VIL1: variants seen among roughly 807,000 people sequenced by gnomAD.
The protein encoded by VIL1 is villin 1, also known as villin-1.
A neutral mutation model predicts 104.0 loss-of-function variants in VIL1; 86 were observed. The ratio of observed to expected loss-of-function variants is 0.83; its 90% CI spans 0.69 to 0.99. The LOEUF (loss-of-function observed/expected upper bound fraction) is 0.99, where lower values mean the gene tolerates loss of function less well. Among genes scored for constraint, VIL1 ranks in the 50% least tolerant of loss-of-function variants. The pLI is 0.00. For missense variants in VIL1, 944 were observed against 1,054.1 expected, an observed-to-expected ratio of 0.90 and a Z score of 1.45; for synonymous variants, 394 against 412.6, an observed-to-expected ratio of 0.95 and a Z score of 0.55.
At chr2:218,435,477 G>C in intron 15 of VIL1, 43 bp downstream of exon 15, 1 of 1,598,914 alleles carries the variant, frequency 6.3e-7, no homozygotes, top group South Asian at 1.1e-5. Context: ...CAAGGTGGGG[G>C]AGCCGCCCAG....
At chr2:218,425,945 A>C in intron 4 of VIL1, 134 bp downstream of exon 4, 29 of 924,032 alleles carry the variant, frequency 3.1e-5, no homozygotes, top group Middle Eastern at 3.6e-4. Flanking sequence ...GGGGGAGGTG[A>C]CCTGGGGCGG....
At position 218,452,605 on chromosome 2, in the gene VIL1, A is replaced by G. The variant is rs1289075041; in HGVS notation, c.*3269A>G. ...GATAACTTATATATTCCAATAACCT[A>G]TTTTCAACAACTCCTGCCCAAGACA... On this transcript the variant is annotated 3_prime_UTR_variant, in exon 20 of 20. Transcript: ENST00000248444. The G allele has an allele frequency of 1.3e-5, 2 of 152,098 alleles. No individual in the cohort carries two copies. Among genetic ancestry groups the G allele is most frequent in the African/African-American group, 2.4e-5 (1 of 41,428 alleles). The allele number at this position is 152,098 out of a possible 1,614,324, so 9.4% of individuals were successfully genotyped here. A position where few individuals can be genotyped will look rare whatever the true frequency, so the allele number is the denominator to read the frequency against.
intron 3 of VIL1, 131 bp downstream of exon 3, chr2:218,424,482 C>A: frequency 1.1e-6 from 1 of 920,068 alleles, no homozygotes; most frequent in East Asian, 2.5e-5. Context: ...TGGGTATGCC[C>A]AAGTGCCCAA....
chr2:218,439,944 C>A (rs538749179), intron 18 of VIL1, among the ~76,000 whole-genome samples: 1 of 151,096 alleles, frequency 6.6e-6, no homozygotes. Context: ...ATAGAGAGAA[C>A]AAGACAGAGC....
chr2:218,428,083 C>G lies in VIL1; in HGVS notation c.456+10C>G. 6.2e-7 allele frequency: 1 copy of G among 1,613,314 alleles called. No homozygotes were observed. Among genetic ancestry groups the G allele is most frequent in the Non-Finnish European group, 8.5e-7 (1 of 1,179,304 alleles). ...CGTGGTAGCTGGAGAGGTAGGCAGG[C>G]CCCACTGGAGCATCGGCCAGGGCTG... On this transcript the variant is annotated intron_variant, in intron 5 of 19. Transcript: ENST00000248444.
intron 17 of VIL1, among the ~76,000 whole-genome samples, chr2:218,438,163 TTCAC>T: frequency 7.3e-6 from 1 of 136,406 alleles, no homozygotes; most frequent in East Asian, 2.0e-4. Flanking sequence ...CTCAGCCTCA[TTCAC>T]TCATTCATTC....
intron 13 of VIL1, among the ~76,000 whole-genome samples, chr2:218,434,109 A>G (rs1331561712): frequency 6.7e-6 from 1 of 148,462 alleles, no homozygotes; most frequent in Non-Finnish European, 1.5e-5. Context: ...AGGCAGGAGA[A>G]TTGCTTGAAC....
At position 218,434,558 on chromosome 2, in the gene VIL1, C is replaced by T. The variant is rs560332253; in HGVS notation, c.1533C>T (p.Thr511=). The change falls in exon 14 of 20, where the codon ACC becomes ACT. Residue 511 remains threonine, a synonymous_variant. Coordinates refer to ENST00000248444, the MANE Select transcript of VIL1 (RefSeq NM_007127.3). The stretch of plus-strand genomic sequence containing the variant: ...CCTCCCGAACTAACAACTTGGAGAC[C>T]GGGCCCTCCACACGGCTGTTCCAGG... ...GGTSRTNNLE[T]GPSTRLFQVQ... is the part of the protein sequence containing the mutation. The T allele has an allele frequency of 1.5e-5, 24 of 1,613,584 alleles. No homozygotes were observed. In the East Asian group the frequency reaches 2.0e-4, roughly 13 times the overall value.
chr2:218,445,560 C>T (rs1421119618), intron 19 of VIL1, among the ~76,000 whole-genome samples: 1 of 151,954 alleles, frequency 6.6e-6, no homozygotes, highest in African/African-American at 2.4e-5. Flanking sequence ...GCATCAGACC[C>T]CCCTGAGGTT....
intron 3 of VIL1, 82 bp downstream of exon 3, chr2:218,424,433 G>A (rs1040379326): frequency 6.8e-7 from 1 of 1,463,930 alleles, no homozygotes. Context: ...GGGGGCCGTG[G>A]GGAGAGTTGG....
At chr2:218,440,668 G>A in intron 18 of VIL1, 54 bp from the exon 19 acceptor site, 2 of 1,608,944 alleles carry the variant, frequency 1.2e-6, no homozygotes, top group Non-Finnish European at 1.7e-6. Context: ...AAGGCAGCCT[G>A]GGAGGTAGCT....
intron 18 of VIL1, among the ~76,000 whole-genome samples, chr2:218,440,220 GA>G (rs1334065259): frequency 6.6e-6 from 1 of 152,214 alleles, no homozygotes; most frequent in Non-Finnish European, 1.5e-5. Context: ...TTAAAGAAAA[GA>G]GTCATTTTCC....
chr2:218,440,331 G>A (rs531436572), intron 18 of VIL1, among the ~76,000 whole-genome samples: 15 of 152,178 alleles, frequency 9.9e-5, no homozygotes, highest in Admixed American at 2.6e-4. Context: ...GTGCAGTGGC[G>A]CAATCTCAGC....
rs1689124090 is a variant in VIL1 at position 218,432,871 on chromosome 2, C to G, written c.1420C>G (p.Pro474Ala). 2.5e-6 allele frequency: 4 copies of G among 1,614,194 alleles called. No individual in the cohort carries two copies. The highest frequency in any genetic ancestry group is 1.6e-4 in the Middle Eastern group (1 of 6,062). ...CCTGGACCAGAAGTACAATGGTGAACCAGTCCAGATCCGGGTCCCAATGGG... is the reference window on the plus strand; with the variant it reads ...CCTGGACCAGAAGTACAATGGTGAAGCAGTCCAGATCCGGGTCCCAATGGG... Reference protein sequence around the residue: ...VILDQKYNGEPVQIRVPMGKE... With the variant: ...VILDQKYNGEAVQIRVPMGKE... Residue 474 changes from proline (P) to alanine (A), a missense_variant, in exon 13 of 20, where the codon CCA becomes GCA. Physicochemically the swap from Pro to Ala is conservative, Grantham distance 27. Transcript: ENST00000248444.
At chr2:218,442,846 T>C (rs1416998984) in intron 19 of VIL1, among the ~76,000 whole-genome samples, 1 of 152,138 alleles carries the variant, frequency 6.6e-6, no homozygotes, top group Non-Finnish European at 1.5e-5. Flanking sequence ...TTTATATAAG[T>C]GTTTTGTTCT....
rs370855411 is a variant in VIL1 at position 218,430,836 on chromosome 2, C to T, written c.1060C>T (p.Arg354Trp). 1.2e-5 allele frequency: 20 copies of T among 1,613,868 alleles called. No individual in the cohort carries two copies. The highest frequency in any genetic ancestry group is 1.6e-4 in the Middle Eastern group (1 of 6,084). Residue 354 changes from arginine (R) to tryptophan (W), a missense_variant, in exon 10 of 20, where the codon CGG (arginine) becomes TGG (tryptophan). Physicochemically the swap from Arg to Trp is moderately radical, Grantham distance 101. Coordinates refer to ENST00000248444, the MANE Select transcript of VIL1 (RefSeq NM_007127.3). ...CTTCCAGAAGTGGACAGCGTCCAAC[C>T]GGACCTCAGGCCTAGGCAAAACCCA... is the stretch of plus-strand genomic sequence containing the variant. ...QLFQKWTASN[R>W]TSGLGKTHTV...
rs779274228 is a variant in VIL1 at position 218,435,308 on chromosome 2, G to A, written c.1700G>A (p.Arg567Gln). ...WCGKGCSGDE[R>Q]EMAKMVADTI... ...TCCTAGGGTTGTAGCGGGGACGAGCGGGAGATGGCCAAGATGGTTGCTGAC... is the reference window on the plus strand; with the variant it reads ...TCCTAGGGTTGTAGCGGGGACGAGCAGGAGATGGCCAAGATGGTTGCTGAC... Residue 567 changes from arginine (R) to glutamine (Q), a missense_variant, in exon 15 of 20, where the codon CGG becomes CAG. Physicochemically the swap from Arg to Gln is conservative, Grantham distance 43. Coordinates refer to ENST00000248444, the MANE Select transcript of VIL1 (RefSeq NM_007127.3). The A allele has an allele frequency of 2.3e-5, 37 of 1,613,852 alleles. No homozygotes were observed. The Admixed American group carries it at 4.2e-4, about 18-fold the overall frequency.
Position 218,428,335 on chromosome 2 carries a change from A to G in VIL1, c.565A>G (p.Arg189Gly). Residue 189 changes from arginine (R) to glycine (G), a missense_variant and splice_region_variant, in exon 6 of 20, where the codon AGG becomes GGG. Coordinates refer to ENST00000248444, the MANE Select transcript of VIL1 (RefSeq NM_007127.3). ...GPESTRMERL[R>G]GMTLAKEIRD... is the part of the protein sequence containing the mutation. ...GGAAAGCACCCGTATGGAGAGACTC[A>G]GGGTAAACCTGCCCATGCACCACAC... is the stretch of plus-strand genomic sequence containing the variant. 1 of 1,613,798 alleles carries G rather than the reference A, an allele frequency of 6.2e-7. No individual in the cohort carries two copies. Among genetic ancestry groups the G allele is most frequent in the South Asian group, 1.1e-5 (1 of 91,078 alleles).
chr2:218,443,794 A>G (rs1187496185), intron 19 of VIL1, among the ~76,000 whole-genome samples: 4 of 151,890 alleles, frequency 2.6e-5, no homozygotes, highest in Non-Finnish European at 4.4e-5. Flanking sequence ...AGCTGGGACT[A>G]CAGGCGCACA....
Sources: allele counts gnomAD v4.1 joint callset (sites outside exome capture counted in the v4.1 genomes callset), GRCh38; gene constraint gnomAD v4.1.1; transcripts MANE v1.5; gene names NCBI Gene and HGNC (gene_info 2026-07-23, HGNC 2026-07-21).